KCNMB2: variants seen among roughly 807,000 people sequenced by gnomAD.
The protein encoded by KCNMB2 is calcium-activated potassium channel subunit beta-2.
A neutral mutation model predicts 24.5 loss-of-function variants in KCNMB2; 9 were observed. That is an observed-to-expected ratio of 0.37 (90% confidence interval 0.22 to 0.64). KCNMB2 has a LOEUF of 0.64. Ranked by LOEUF, KCNMB2 falls within the 30% of genes least tolerant of loss-of-function variation. The pLI, the probability that KCNMB2 is intolerant of heterozygous loss-of-function variation, is 0.63. For synonymous variants in KCNMB2, 109 were observed against 104.4 expected (o/e 1.04, Z -0.27); for missense variants, 226 against 284.3 (o/e 0.79, Z 1.47).
intron 1 of KCNMB2, among the ~76,000 whole-genome samples, chr3:178,714,767 T>A (rs1486118995): frequency 6.6e-6 from 1 of 152,214 alleles, no homozygotes; most frequent in Non-Finnish European, 1.5e-5. Flanking sequence ...TGGGAAAATC[T>A]AATGTTCGTC....
chr3:178,584,349 G>A (rs1324457673), intron 1 of KCNMB2, among the ~76,000 whole-genome samples: 1 of 152,174 alleles, frequency 6.6e-6, no homozygotes, highest in Non-Finnish European at 1.5e-5. Flanking sequence ...GACAGTGCTG[G>A]GTACTTTGCC....
intron 1 of KCNMB2, among the ~76,000 whole-genome samples, chr3:178,631,565 G>A (rs554166329): frequency 6.6e-5 from 10 of 152,296 alleles, no homozygotes; most frequent in Admixed American, 2.0e-4. Flanking sequence ...GGGGGTCGAT[G>A]GATGGGCAGA....
chr3:178,837,436 G>A (rs1560041723), intron 4 of KCNMB2, among the ~76,000 whole-genome samples: 1 of 152,162 alleles, frequency 6.6e-6, no homozygotes, highest in East Asian at 1.9e-4. Context: ...CTGAGCACAA[G>A]TTAGGAGCTT....
Position 178,715,365 on chromosome 3 carries a change from G to T in KCNMB2, c.-67-91978G>T, listed in dbSNP as rs1317364178. ...TTTTCGTTGTTGTTTTTGTTTTTTGGTTTTTTTTTTTTTTTTGGTTTCAGA... is the reference window on the plus strand; with the variant it reads ...TTTTCGTTGTTGTTTTTGTTTTTTGTTTTTTTTTTTTTTTTTGGTTTCAGA... On this transcript the variant is annotated intron_variant, in intron 1 of 4. Coordinates refer to ENST00000452583, the MANE Select transcript of KCNMB2 (RefSeq NM_181361.3). Among the ~76,000 whole-genome samples, 411 of 132,318 alleles carry T rather than the reference G, an allele frequency of 3.1e-3. 5 individuals are homozygous for T. The highest frequency in any genetic ancestry group is 0.01 in the African/African-American group (382 of 36,468). 86.8% of individuals were successfully genotyped at this position (132,318 alleles called of 152,430 possible). A position where few individuals can be genotyped will look rare whatever the true frequency, so the allele number is the denominator to read the frequency against.
chr3:178,656,804 C>T (rs1720360059), intron 1 of KCNMB2, among the ~76,000 whole-genome samples: 1 of 152,038 alleles, frequency 6.6e-6, no homozygotes, highest in Non-Finnish European at 1.5e-5. Flanking sequence ...ATGCTGTACT[C>T]ATTTTGACCT....
At chr3:178,797,888 T>G (rs1713614569) in intron 1 of KCNMB2, among the ~76,000 whole-genome samples, 1 of 152,200 alleles carries the variant, frequency 6.6e-6, no homozygotes, top group South Asian at 2.1e-4. Flanking sequence ...TTTTATTCAC[T>G]TTGTAGCAAG....
chr3:178,714,442 C>A (rs189892530), intron 1 of KCNMB2, among the ~76,000 whole-genome samples: 1 of 152,258 alleles, frequency 6.6e-6, no homozygotes, highest in East Asian at 1.9e-4. Context: ...ATCTGGGAAG[C>A]TTCACAAAAT....
chr3:178,704,862 G>A, intron 1 of KCNMB2, among the ~76,000 whole-genome samples: 1 of 152,068 alleles, frequency 6.6e-6, no homozygotes, highest in East Asian at 1.9e-4. Flanking sequence ...TATTTGAATG[G>A]CCAAGATATT....
intron 1 of KCNMB2, among the ~76,000 whole-genome samples, chr3:178,701,076 T>C (rs1722074741): frequency 6.6e-6 from 1 of 152,224 alleles, no homozygotes; most frequent in Non-Finnish European, 1.5e-5. Flanking sequence ...CTTCTAAGGT[T>C]TTTATGGTTT....
chr3:178,806,932 C>T (rs1271801391), intron 1 of KCNMB2, among the ~76,000 whole-genome samples: 1 of 152,024 alleles, frequency 6.6e-6, no homozygotes. Context: ...AAGAAAAAAA[C>T]AGATTGAAGA....
At chr3:178,754,154 A>G (rs1018423795) in intron 1 of KCNMB2, among the ~76,000 whole-genome samples, 4 of 70,878 alleles carry the variant, frequency 5.6e-5, no homozygotes, top group African/African-American at 3.2e-4. Context: ...TCCATTGTAT[A>G]TATATATATA....
intron 1 of KCNMB2, among the ~76,000 whole-genome samples, chr3:178,789,621 C>T (rs193232520): frequency 6.6e-6 from 1 of 152,274 alleles, no homozygotes; most frequent in Non-Finnish European, 1.5e-5. Flanking sequence ...GATTGTGGGA[C>T]TTTGCATTGA....
chr3:178,659,541 A>C (rs906857544), intron 1 of KCNMB2, among the ~76,000 whole-genome samples: 1 of 152,194 alleles, frequency 6.6e-6, no homozygotes, highest in Non-Finnish European at 1.5e-5. Context: ...TTTACAGATA[A>C]AGAAATAAAA....
chr3:178,568,886 A>AATAGATAGATAGAT (rs1716662560), intron 1 of KCNMB2, among the ~76,000 whole-genome samples: 1 of 147,636 alleles, frequency 6.8e-6, no homozygotes, highest in Non-Finnish European at 1.5e-5. Flanking sequence ...ATAGATAGAT[A>AATAGATAGATAGAT]GATAGATAGA....
intron 1 of KCNMB2, among the ~76,000 whole-genome samples, chr3:178,683,996 C>T (rs1560165249): frequency 2.0e-5 from 3 of 152,096 alleles, no homozygotes; most frequent in Admixed American, 1.3e-4. Context: ...ATACTCACTG[C>T]TATACTTACA....
intron 1 of KCNMB2, among the ~76,000 whole-genome samples, chr3:178,554,296 T>C (rs1177034135): frequency 6.6e-6 from 1 of 152,224 alleles, no homozygotes; most frequent in Non-Finnish European, 1.5e-5. Context: ...CTTCAGAGGA[T>C]ATGGTTGTAG....
At chr3:178,685,752 C>G (rs549187916) in intron 1 of KCNMB2, among the ~76,000 whole-genome samples, 7 of 152,268 alleles carry the variant, frequency 4.6e-5, no homozygotes, top group Admixed American at 3.3e-4. Flanking sequence ...GCAGTGCTTT[C>G]TTTTTAAACA....
rs1271435587 is a variant in KCNMB2 at position 178,758,383 on chromosome 3, GATACAT to G, written c.-67-48956_-67-48951del. On this transcript the variant is annotated intron_variant, in intron 1 of 4. Transcript: ENST00000452583. Reference sequence around the variant, plus strand: ...ATATATATATATATCTCCAAGAGGGGATACATATATATATATATATATATATATATA... The same window carrying G: ...ATATATATATATATCTCCAAGAGGGGATATATATATATATATATATATATA... 5.3e-3 allele frequency among the ~76,000 whole-genome samples: 20 copies of G among 3,764 alleles called. 1 individual carries two copies. Among genetic ancestry groups the G allele is most frequent in the African/African-American group, 0.036 (6 of 168 alleles). 2.5% of individuals were successfully genotyped at this position (3,764 alleles called of 152,430 possible).
intron 1 of KCNMB2, among the ~76,000 whole-genome samples, chr3:178,763,096 G>A (rs1302607875): frequency 1.3e-5 from 2 of 152,084 alleles, no homozygotes; most frequent in African/African-American, 4.8e-5. Context: ...ATAGATTTGT[G>A]GTGGAAAAGG....
Sources: allele counts gnomAD v4.1 joint callset (sites outside exome capture counted in the v4.1 genomes callset), GRCh38; gene constraint gnomAD v4.1.1; transcripts MANE v1.5; gene names NCBI Gene and HGNC (gene_info 2026-07-23, HGNC 2026-07-21).